The following ANP32A variants were observed in gnomAD, a reference collection of about 807,000 sequenced individuals.
ANP32A encodes acidic nuclear phosphoprotein 32 family member A.
A neutral mutation model predicts 33.9 loss-of-function variants in ANP32A; 1 was observed. The observed-to-expected ratio is 0.03, with a 90% CI of 0.01 to 0.14. The LOEUF (loss-of-function observed/expected upper bound fraction) is 0.14, where lower values mean the gene tolerates loss of function less well. Among genes scored for constraint, ANP32A ranks in the 10% least tolerant of loss-of-function variants. ANP32A has a pLI of 1.00. For synonymous variants in ANP32A, 115 were observed against 120.5 expected, an observed-to-expected ratio of 0.95 and a Z score of 0.30; for missense variants, 155 against 306.0, an observed-to-expected ratio of 0.51 and a Z score of 3.68.
At chr15:68,783,263 T>C (rs1190249969) in intron 4 of ANP32A, among the ~76,000 whole-genome samples, 1 of 151,936 alleles carries the variant, frequency 6.6e-6, no homozygotes, top group Non-Finnish European at 1.5e-5. Flanking sequence ...TAAGCCCCCC[T>C]CACAAGTGTT....
At chr15:68,783,107 C>T in intron 4 of ANP32A, 54 bp from the exon 5 acceptor site, 1 of 1,548,490 alleles carries the variant, frequency 6.5e-7, no homozygotes, top group South Asian at 1.2e-5. Flanking sequence ...CTGGCTCCGC[C>T]CCCCACACAG....
chr15:68,809,438 A>C (rs1223356489), intron 1 of ANP32A, among the ~76,000 whole-genome samples: 1 of 152,212 alleles, frequency 6.6e-6, no homozygotes, highest in Non-Finnish European at 1.5e-5. Flanking sequence ...GGGATGCAAG[A>C]ATTTCAGGAC....
At chr15:68,813,084 G>T (rs553559522) in intron 1 of ANP32A, 6 of 152,330 alleles carry the variant, frequency 3.9e-5, no homozygotes, top group Non-Finnish European at 5.9e-5. Context: ...AATAACAGTG[G>T]AGTAGTAAGT....
chr15:68,793,496 G>A (rs183931028), intron 1 of ANP32A, among the ~76,000 whole-genome samples: 6 of 152,272 alleles, frequency 3.9e-5, no homozygotes, highest in East Asian at 3.9e-4. Flanking sequence ...GAGGAGACAC[G>A]GAAGAAACAG....
chr15:68,806,720 A>C (rs1894232321), intron 1 of ANP32A, among the ~76,000 whole-genome samples: 1 of 152,266 alleles, frequency 6.6e-6, no homozygotes, highest in Non-Finnish European at 1.5e-5. Flanking sequence ...CACAAAGTAC[A>C]GGCCTGCCCA....
intron 1 of ANP32A, among the ~76,000 whole-genome samples, chr15:68,804,052 G>T (rs764413865): frequency 4.6e-5 from 7 of 151,878 alleles, no homozygotes; most frequent in Non-Finnish European, 8.8e-5. Context: ...CACCCACCTC[G>T]GCCTCCCAAA....
chr15:68,799,143 G>A (rs371255894), intron 1 of ANP32A, among the ~76,000 whole-genome samples: 1 of 152,184 alleles, frequency 6.6e-6, no homozygotes. Flanking sequence ...TATTAGTGAA[G>A]GAAGTGCAAG....
At chr15:68,814,249 G>A (rs554385404) in intron 1 of ANP32A, among the ~76,000 whole-genome samples, 42 of 152,142 alleles carry the variant, frequency 2.8e-4, no homozygotes, top group African/African-American at 9.2e-4. Flanking sequence ...AGCTCAAGCA[G>A]ATGTCTTTCC....
intron 1 of ANP32A, among the ~76,000 whole-genome samples, chr15:68,819,933 A>C (rs973600745): frequency 6.6e-6 from 1 of 152,154 alleles, no homozygotes; most frequent in African/African-American, 2.4e-5. Context: ...TGAGGGAGAA[A>C]GAGGAGGAGA....
intron 1 of ANP32A, among the ~76,000 whole-genome samples, chr15:68,803,586 C>A (rs899757841): frequency 7.9e-5 from 12 of 152,154 alleles, no homozygotes; most frequent in African/African-American, 2.7e-4. Flanking sequence ...CCTGCGTGCA[C>A]AAGCCCTGGT....
Position 68,780,011 on chromosome 15 carries a change from G to GT in ANP32A, c.*69_*70insA. The GT allele has an allele frequency of 1.4e-6, 2 of 1,412,530 alleles. No homozygotes were observed. The highest frequency in any genetic ancestry group is 1.2e-5 in the South Asian group (1 of 82,322). 87.5% of individuals were successfully genotyped at this position (1,412,530 alleles called of 1,614,324 possible). A position where few individuals can be genotyped will look rare whatever the true frequency, so the allele number is the denominator to read the frequency against. On this transcript the variant is annotated 3_prime_UTR_variant, in exon 7 of 7. Coordinates refer to ENST00000465139, the MANE Select transcript of ANP32A (RefSeq NM_006305.4). This position sits in a 1 kb window ranked among gnomAD's most constrained non-coding sequence, Gnocchi z 4.3. ...AGTTTCAGGGGGCAGGATTGGAGGG[G>GT]GGGGGGAGAGGGGATATGGGTAAAA...
At chr15:68,788,990 G>C (rs755306403) in intron 1 of ANP32A, among the ~76,000 whole-genome samples, 7 of 152,190 alleles carry the variant, frequency 4.6e-5, no homozygotes, top group Admixed American at 1.3e-4. Context: ...AAGACAGGCC[G>C]AGGAAAAGTA....
chr15:68,806,640 G>A (rs984185520), intron 1 of ANP32A, among the ~76,000 whole-genome samples: 1 of 152,220 alleles, frequency 6.6e-6, no homozygotes, highest in Non-Finnish European at 1.5e-5. Flanking sequence ...GAACAGAACT[G>A]CTCATTATGG....
At chr15:68,815,015 A>G (rs1371216211) in intron 1 of ANP32A, among the ~76,000 whole-genome samples, 1 of 152,240 alleles carries the variant, frequency 6.6e-6, no homozygotes, top group African/African-American at 2.4e-5. Context: ...AGCTGGCTAT[A>G]CAGAACTCTA....
chr15:68,807,706 C>T (rs1894255112), intron 1 of ANP32A, among the ~76,000 whole-genome samples: 2 of 152,182 alleles, frequency 1.3e-5, no homozygotes, highest in South Asian at 4.1e-4. Context: ...ACAACAAGCT[C>T]TGGGAAGCAG....
intron 1 of ANP32A, among the ~76,000 whole-genome samples, chr15:68,799,135 T>A (rs1483945856): frequency 6.6e-6 from 1 of 152,166 alleles, no homozygotes; most frequent in Non-Finnish European, 1.5e-5. Context: ...GCAAAAATTA[T>A]TAGTGAAGGA....
rs1006623172 is a variant in ANP32A at position 68,779,750 on chromosome 15, G to A, written c.*331C>T. ...ACTTGGGAAATACCAGGAAACGTAA[G>A]AGAACTCCAAACCATCCTCTTTGAG... On this transcript the variant is annotated 3_prime_UTR_variant, in exon 7 of 7. Transcript: ENST00000465139. 4.2e-6 allele frequency: 1 copy of A among 240,918 alleles called. No homozygotes were observed. Among genetic ancestry groups the A allele is most frequent in the African/African-American group, 2.3e-5 (1 of 44,180 alleles). The allele number at this position is 240,918 out of a possible 1,614,324, so 14.9% of individuals were successfully genotyped here.
intron 1 of ANP32A, among the ~76,000 whole-genome samples, chr15:68,805,538 G>T (rs138157047): frequency 6.6e-6 from 1 of 152,344 alleles, no homozygotes; most frequent in Admixed American, 6.5e-5. Flanking sequence ...GCCCAAGGCT[G>T]GTGTGAGCAG....
At chr15:68,796,495 A>AT (rs1354671148) in intron 1 of ANP32A, among the ~76,000 whole-genome samples, 2 of 152,176 alleles carry the variant, frequency 1.3e-5, no homozygotes, top group African/African-American at 2.4e-5. Context: ...GATTACAGGC[A>AT]TGAGCCACCA....
Sources: gnomAD v4.1 joint callset for allele counts (sites outside exome capture counted in the v4.1 genomes callset) on GRCh38, gnomAD v4.1.1 for gene constraint, Gnocchi (gnomAD v3.1) non-coding constraint, MANE v1.5 for transcripts, NCBI Gene and HGNC (gene_info 2026-07-23, HGNC 2026-07-21) for gene names.